SERGEF: variants seen among roughly 807,000 people sequenced by gnomAD.
The protein encoded by SERGEF is secretion regulating guanine nucleotide exchange factor, also known as secretion-regulating guanine nucleotide exchange factor.
Under a neutral mutation model 50.0 loss-of-function variants are expected in SERGEF, and 51 were observed. The observed-to-expected ratio is 1.02, with a 90% confidence interval of 0.81 to 1.29. SERGEF has a LOEUF of 1.29. Among genes scored for constraint, SERGEF ranks in the 50% most tolerant of loss-of-function variants. SERGEF has a pLI of 0.00. For synonymous variants in SERGEF, 205 were observed against 212.4 expected (o/e 0.97, Z 0.30); for missense variants, 521 against 557.0 (o/e 0.94, Z 0.65).
intron 1 of SERGEF, 156 bp downstream of exon 1, chr11:18,012,787 GCTCCTCCT>G: frequency 1.0e-5 from 7 of 700,272 alleles, no homozygotes; most frequent in Non-Finnish European, 1.5e-5. Context: ...CCGCCCGCCC[GCTCCTCCT>G]CCGCTCCCCC....
chr11:17,958,212 G>T (rs1852916175), intron 9 of SERGEF, among the ~76,000 whole-genome samples: 1 of 152,186 alleles, frequency 6.6e-6, no homozygotes, highest in South Asian at 2.1e-4. Context: ...GAGGAGGCCA[G>T]GCAGGGCCCT....
At chr11:17,903,989 T>C (rs1342824925) in intron 9 of SERGEF, among the ~76,000 whole-genome samples, 1 of 152,236 alleles carries the variant, frequency 6.6e-6, no homozygotes, top group Non-Finnish European at 1.5e-5. Flanking sequence ...TCACCACAAG[T>C]GCCAGATCAG....
intron 10 of SERGEF, among the ~76,000 whole-genome samples, chr11:17,801,925 C>T (rs1849676905): frequency 6.6e-6 from 1 of 152,156 alleles, no homozygotes; most frequent in Non-Finnish European, 1.5e-5. Flanking sequence ...TGCATACATA[C>T]TACATGGGCT....
At chr11:17,978,650 T>C (rs1383118553) in intron 8 of SERGEF, among the ~76,000 whole-genome samples, 1 of 152,024 alleles carries the variant, frequency 6.6e-6, no homozygotes, top group Non-Finnish European at 1.5e-5. Flanking sequence ...CAGCTAGAGG[T>C]CAGATCCATA....
chr11:17,993,072 C>G, intron 6 of SERGEF, 79 bp from the exon 7 acceptor site: 1 of 1,192,984 alleles, frequency 8.4e-7, no homozygotes, highest in Non-Finnish European at 1.2e-6. Flanking sequence ...CAGCCAGTAC[C>G]ACCTGGGCGT....
chr11:17,974,356 G>A (rs529155123), intron 8 of SERGEF, among the ~76,000 whole-genome samples: 14 of 152,338 alleles, frequency 9.2e-5, no homozygotes, highest in East Asian at 3.9e-4. Context: ...TACCACCCAA[G>A]CTACAGTACT....
At chr11:17,951,471 C>T (rs931653588) in intron 9 of SERGEF, among the ~76,000 whole-genome samples, 4 of 152,196 alleles carry the variant, frequency 2.6e-5, no homozygotes, top group Non-Finnish European at 5.9e-5. Flanking sequence ...CATCAGACCT[C>T]CAACTCCAGC....
rs577727815 is a variant in SERGEF, at chr11:17,837,213, T to C, written c.1048+40995A>G. 1.2e-4 allele frequency among the ~76,000 whole-genome samples: 19 copies of C among 152,304 alleles called. 1 individual carries two copies. In the South Asian group the frequency reaches 2.7e-3, roughly 22 times the overall value. On this transcript the variant is annotated intron_variant, in intron 10 of 10. Coordinates refer to ENST00000265965, the MANE Select transcript of SERGEF (RefSeq NM_012139.4). ...GCTGAAACTAGCTATTAATTTGATC[T>C]ATACTAATTGAGTACTACAGCACTT... is the stretch of plus-strand genomic sequence containing the variant.
chr11:17,870,454 A>G (rs1851118561), intron 10 of SERGEF, among the ~76,000 whole-genome samples: 1 of 152,350 alleles, frequency 6.6e-6, no homozygotes, highest in South Asian at 2.1e-4. Flanking sequence ...GTCAAGGAAT[A>G]TAGGTAGCCT....
At chr11:17,978,631 T>C (rs1853429356) in intron 8 of SERGEF, among the ~76,000 whole-genome samples, 1 of 152,198 alleles carries the variant, frequency 6.6e-6, no homozygotes, top group African/African-American at 2.4e-5. Flanking sequence ...TGGATCTCCA[T>C]GGGGCAGCCA....
chr11:17,808,300 C>T (rs1302198789), intron 10 of SERGEF, among the ~76,000 whole-genome samples: 1 of 152,216 alleles, frequency 6.6e-6, no homozygotes, highest in Admixed American at 6.5e-5. Flanking sequence ...GCAGGCTCTA[C>T]AGGAAGCGTG....
At chr11:18,004,684 A>T in intron 3 of SERGEF, 149 bp from the exon 4 acceptor site, 1 of 628,282 alleles carries the variant, frequency 1.6e-6, no homozygotes, top group East Asian at 2.8e-5. Context: ...TTCCTCTAGG[A>T]ATGAAAACAC....
intron 10 of SERGEF, among the ~76,000 whole-genome samples, chr11:17,808,881 C>T (rs1272001560): frequency 2.0e-5 from 3 of 152,214 alleles, no homozygotes; most frequent in Non-Finnish European, 4.4e-5. Flanking sequence ...TAACTGAATA[C>T]TTGTCCATTA....
chr11:17,990,242 C>T (rs1203965986), intron 7 of SERGEF, among the ~76,000 whole-genome samples: 1 of 152,232 alleles, frequency 6.6e-6, no homozygotes, highest in Admixed American at 6.5e-5. Flanking sequence ...TACCCGATCA[C>T]TGTTTGACAC....
intron 10 of SERGEF, among the ~76,000 whole-genome samples, chr11:17,816,533 C>G (rs575288800): frequency 6.6e-6 from 1 of 152,204 alleles, no homozygotes; most frequent in Non-Finnish European, 1.5e-5. Flanking sequence ...TGCTTATTGC[C>G]TCAAAGGCAT....
Position 17,959,510 on chromosome 11 carries a change from C to A in SERGEF, c.971G>T (p.Ser324Ile). Residue 324 changes from serine to isoleucine, a missense_variant, in exon 9 of 11, where the codon AGC (serine) becomes ATC (isoleucine). Coordinates refer to ENST00000265965, the MANE Select transcript of SERGEF (RefSeq NM_012139.4). The stretch of plus-strand genomic sequence containing the variant: ...TAAGCAATGCGGAGACGAAGGCATG[C>A]TGTTCGGTGGTCTTGAACAGGGGAG... ...SFLPCSRPPNSMPSSPHCLTG... is the reference protein window; with the variant it reads ...SFLPCSRPPNIMPSSPHCLTG... 6.2e-7 allele frequency: 1 copy of A among 1,614,072 alleles called. No individual in the cohort carries two copies. The highest frequency in any genetic ancestry group is 8.5e-7 in the Non-Finnish European group (1 of 1,179,942).
intron 10 of SERGEF, among the ~76,000 whole-genome samples, chr11:17,818,147 G>A (rs962824289): frequency 1.3e-5 from 2 of 152,136 alleles, no homozygotes; most frequent in Non-Finnish European, 2.9e-5. Context: ...CTCTGCCCCA[G>A]GCATAAGTGA....
intron 10 of SERGEF, among the ~76,000 whole-genome samples, chr11:17,807,571 C>T (rs1442842517): frequency 6.6e-6 from 1 of 152,266 alleles, no homozygotes; most frequent in African/African-American, 2.4e-5. Context: ...ACTCCAGCCC[C>T]CAAATTACCA....
At chr11:17,904,555 T>C (rs924532868) in intron 9 of SERGEF, among the ~76,000 whole-genome samples, 1 of 152,240 alleles carries the variant, frequency 6.6e-6, no homozygotes, top group African/African-American at 2.4e-5. Context: ...AAACCATTTC[T>C]ATGAACTGTT....
Sources: allele counts gnomAD v4.1 joint callset (sites outside exome capture counted in the v4.1 genomes callset), GRCh38; gene constraint gnomAD v4.1.1; transcripts MANE v1.5; gene names NCBI Gene and HGNC (gene_info 2026-07-23, HGNC 2026-07-21).